BTBD8: variants seen among roughly 807,000 people sequenced by gnomAD.
BTBD8 encodes the protein BTB/POZ domain-containing protein 8.
In BTBD8, 110 loss-of-function variants were observed where a neutral mutation model predicts 162.9. The ratio of observed to expected loss-of-function variants is 0.68; its 90% CI spans 0.58 to 0.79. The LOEUF (loss-of-function observed/expected upper bound fraction) is 0.79, where lower values mean the gene tolerates loss of function less well. Among genes scored for constraint, BTBD8 ranks in the 30% least tolerant of loss-of-function variants. The pLI is 0.00. For synonymous variants in BTBD8, 667 were observed against 716.1 expected (o/e 0.93, Z 1.10); for missense variants, 1,905 against 2,085.4 (o/e 0.91, Z 1.68).
intron 4 of BTBD8, among the ~76,000 whole-genome samples, chr1:92,113,990 C>T (rs995476951): frequency 2.3e-5 from 3 of 129,900 alleles, no homozygotes; most frequent in East Asian, 4.5e-4. Context: ...CCAGCCTGGA[C>T]GACAGAGTGA....
intron 9 of BTBD8, among the ~76,000 whole-genome samples, chr1:92,158,757 C>A (rs1650216259): frequency 6.6e-6 from 1 of 151,876 alleles, no homozygotes; most frequent in Non-Finnish European, 1.5e-5. Flanking sequence ...TTGCTGTAAA[C>A]CTAAAACCAT....
chr1:92,093,449 C>T (rs1037097055), intron 2 of BTBD8, among the ~76,000 whole-genome samples: 1 of 152,084 alleles, frequency 6.6e-6, no homozygotes, highest in African/African-American at 2.4e-5. Flanking sequence ...ACCTTGGCCT[C>T]CCAAAGTGCT....
At chr1:92,106,754 G>T (rs554881164) in intron 3 of BTBD8, among the ~76,000 whole-genome samples, 2 of 149,296 alleles carry the variant, frequency 1.3e-5, no homozygotes, top group East Asian at 2.0e-4. Context: ...CAAAATTTAG[G>T]CAAGATAGAT....
At chr1:92,084,762 G>T (rs1648109352) in intron 1 of BTBD8, among the ~76,000 whole-genome samples, 2 of 152,092 alleles carry the variant, frequency 1.3e-5, no homozygotes, top group African/African-American at 4.8e-5. Flanking sequence ...TCCCTACTGA[G>T]GTTAATAGAG....
chr1:92,099,372 GC>G (rs1648528704), intron 2 of BTBD8, among the ~76,000 whole-genome samples: 2 of 151,004 alleles, frequency 1.3e-5, no homozygotes, highest in South Asian at 4.2e-4. Context: ...GCTGTTCTGG[GC>G]CCCTTGTATT....
intron 3 of BTBD8, among the ~76,000 whole-genome samples, chr1:92,105,957 A>G (rs1487077967): frequency 6.6e-6 from 1 of 152,216 alleles, no homozygotes; most frequent in Non-Finnish European, 1.5e-5. Flanking sequence ...CTAGCTATCT[A>G]TTACCAAAAA....
chr1:92,133,676 A>C (rs1285792257), intron 5 of BTBD8, among the ~76,000 whole-genome samples: 2 of 152,238 alleles, frequency 1.3e-5, no homozygotes, highest in Non-Finnish European at 1.5e-5. Flanking sequence ...GGGACAGCAG[A>C]ATTCTATAAT....
rs71091265 is a variant in BTBD8, at chr1:92,175,477, C to CA, written c.1636-1330dup. Among the ~76,000 whole-genome samples the CA allele has an allele frequency of 1.3e-3, 48 of 37,394 alleles. 1 individual carries two copies. The highest frequency in any genetic ancestry group is 1.6e-3 in the Non-Finnish European group (34 of 21,378). The allele number at this position is 37,394 out of a possible 152,430, so 24.5% of individuals were successfully genotyped here. ...CTGGCAACAGAGCAAGACTCCATCT[C>CA]AAAAAAAAAAAAAAAAAAAAAAGAA... On this transcript the variant is annotated intron_variant, in intron 13 of 17. Transcript: ENST00000636805.
At chr1:92,097,705 C>T (rs550092122) in intron 2 of BTBD8, among the ~76,000 whole-genome samples, 6 of 152,244 alleles carry the variant, frequency 3.9e-5, no homozygotes, top group African/African-American at 1.4e-4. Flanking sequence ...TGTTGTGACA[C>T]GTATCAATAC....
chr1:92,131,880 T>C (rs549313131), intron 5 of BTBD8, among the ~76,000 whole-genome samples: 1 of 152,242 alleles, frequency 6.6e-6, no homozygotes, highest in Admixed American at 6.5e-5. Context: ...TGCTAGTTTT[T>C]ATAATTTTTA....
At position 92,180,825 on chromosome 1, in the gene BTBD8, T is replaced by C; in HGVS notation, c.3142T>C (p.Cys1048Arg). The change falls in exon 17 of 18, where the codon TGT (cysteine) becomes CGT (arginine). Residue 1048 changes from cysteine (C) to arginine (R), a missense_variant. By Grantham distance (180) the Cys-to-Arg change is radical. Around this residue, in one of 3 missense-constraint regions of BTBD8, gnomAD observed 1,374 missense variants for 1,442.7 expected, o/e 0.95. Coordinates refer to ENST00000636805, the MANE Select transcript of BTBD8 (RefSeq NM_001376131.1). ...ACACGAACTGGAATCAAAACAGATT[T>C]GTTTAGATAAAAGTGAAACAAAATT... ...LKHELESKQI[C>R]LDKSETKFPN... 6.4e-7 allele frequency: 1 copy of C among 1,551,522 alleles called. No individual in the cohort carries two copies. The highest frequency in any genetic ancestry group is 8.7e-7 in the Non-Finnish European group (1 of 1,146,950).
chr1:92,115,128 C>G (rs1317800433), intron 4 of BTBD8: 1 of 484,668 alleles, frequency 2.1e-6, no homozygotes, highest in Non-Finnish European at 4.1e-6. Flanking sequence ...ATTGAGCTTC[C>G]TGTTCGACTT....
In BTBD8 at chr1:92,080,404, C is replaced by A; in HGVS notation, c.-168C>A. ...TCTGAGGCTCCCCACCGCGGTCCGG[C>A]TTCTCTGGGAGACTGTCTACAAACC... On this transcript the variant is annotated 5_prime_UTR_variant, in exon 1 of 18. Transcript: ENST00000636805. 2 of 1,000,966 alleles carry A rather than the reference C, an allele frequency of 2.0e-6. No individual in the cohort carries two copies. The highest frequency in any genetic ancestry group is 2.8e-6 in the Non-Finnish European group (2 of 711,320). The allele number at this position is 1,000,966 out of a possible 1,614,324, so 62.0% of individuals were successfully genotyped here. A position where few individuals can be genotyped will look rare whatever the true frequency, so the allele number is the denominator to read the frequency against.
intron 9 of BTBD8, among the ~76,000 whole-genome samples, chr1:92,149,556 C>T (rs945027935): frequency 1.3e-5 from 2 of 152,162 alleles, no homozygotes; most frequent in South Asian, 2.1e-4. Flanking sequence ...AACTACACTT[C>T]GCAGAATTTC....
intron 7 of BTBD8, among the ~76,000 whole-genome samples, chr1:92,145,573 T>C (rs1649890535): frequency 6.6e-6 from 1 of 152,210 alleles, no homozygotes; most frequent in Non-Finnish European, 1.5e-5. Context: ...TGAAAATACA[T>C]GGCATGGGCA....
intron 4 of BTBD8, among the ~76,000 whole-genome samples, chr1:92,108,689 A>G (rs1648806548): frequency 6.6e-6 from 1 of 152,232 alleles, no homozygotes; most frequent in African/African-American, 2.4e-5. Context: ...TTAATAAGAA[A>G]TACATATTAT....
intron 4 of BTBD8, chr1:92,126,559 A>C: frequency 2.2e-6 from 1 of 458,148 alleles, no homozygotes; most frequent in South Asian, 1.8e-5. Flanking sequence ...CCAAATGGAC[A>C]CTGGCATCAC....
intron 1 of BTBD8, among the ~76,000 whole-genome samples, chr1:92,081,491 G>A (rs1648011117): frequency 6.6e-6 from 1 of 152,204 alleles, no homozygotes; most frequent in Non-Finnish European, 1.5e-5. Flanking sequence ...AAGGCCCCAA[G>A]TGATGCTAAT....
rs749521592 is a variant in BTBD8 at position 92,147,157 on chromosome 1, A to G, written c.931-23A>G. On this transcript the variant is annotated intron_variant, in intron 7 of 17. Coordinates refer to ENST00000636805, the MANE Select transcript of BTBD8 (RefSeq NM_001376131.1). ...CTTTGTAAATTGAAAAGGAATAAAT[A>G]TGGTGTTTTCCATCAATTTTAGCCT... The G allele has an allele frequency of 2.5e-5, 39 of 1,533,880 alleles. No individual in the cohort carries two copies. In the Admixed American group the frequency reaches 6.0e-4, roughly 24 times the overall value.
Sources: gnomAD v4.1 joint callset for allele counts (sites outside exome capture counted in the v4.1 genomes callset) on GRCh38, gnomAD v4.1.1 for gene constraint, gnomAD v4.1.1 regional missense constraint, MANE v1.5 for transcripts, NCBI Gene and HGNC (gene_info 2026-07-23, HGNC 2026-07-21) for gene names.